HPSE2: variants seen among roughly 807,000 people sequenced by gnomAD.
HPSE2 encodes the protein inactive heparanase-2.
Under a neutral mutation model 60.5 loss-of-function variants are expected in HPSE2, and 38 were observed. That is an observed-to-expected ratio of 0.63 (90% CI 0.48 to 0.82). HPSE2 has a LOEUF of 0.82. HPSE2 is among the 40% of genes least tolerant of loss of function. HPSE2 has a pLI of 0.00. For missense variants in HPSE2, 713 were observed against 740.4 expected (o/e 0.96, Z 0.43); for synonymous variants, 295 against 293.2 (o/e 1.01, Z -0.06).
At chr10:99,218,287 T>C (rs1589834289) in intron 2 of HPSE2, among the ~76,000 whole-genome samples, 1 of 150,570 alleles carries the variant, frequency 6.6e-6, no homozygotes, top group African/African-American at 2.4e-5. Flanking sequence ...GAATGTCAGG[T>C]AAGGGGCAAG....
chr10:99,230,004 A>G (rs1186332948), intron 2 of HPSE2, among the ~76,000 whole-genome samples: 1 of 152,204 alleles, frequency 6.6e-6, no homozygotes, highest in Non-Finnish European at 1.5e-5. Flanking sequence ...TAATTTAAGG[A>G]TATGTGAGCT....
intron 3 of HPSE2, among the ~76,000 whole-genome samples, chr10:98,756,453 C>A (rs2134371785): frequency 6.6e-6 from 1 of 151,774 alleles, no homozygotes; most frequent in South Asian, 2.1e-4. Context: ...GAAAGAAGAT[C>A]CAAATAAACA....
At chr10:98,611,105 G>A (rs1945745733) in intron 9 of HPSE2, among the ~76,000 whole-genome samples, 1 of 152,206 alleles carries the variant, frequency 6.6e-6, no homozygotes, top group Non-Finnish European at 1.5e-5. Context: ...GGGGGCCAGG[G>A]GAAGGGAGTG....
the HPSE2 span, among the ~76,000 whole-genome samples, chr10:99,297,194 T>C: frequency 6.6e-6 from 1 of 151,884 alleles, no homozygotes; most frequent in African/African-American, 2.4e-5. Context: ...ACTGGTGGAG[T>C]GGCCATAATG....
intron 3 of HPSE2, among the ~76,000 whole-genome samples, chr10:98,965,290 A>G (rs1211679367): frequency 6.6e-6 from 1 of 152,198 alleles, no homozygotes; most frequent in East Asian, 1.9e-4. Flanking sequence ...TCAGGAAAGT[A>G]TAAAGGATAC....
In HPSE2 at chr10:98,495,424, T is replaced by C. The variant is rs555679010; in HGVS notation, c.1321-5228A>G. 1.9e-4 allele frequency among the ~76,000 whole-genome samples: 29 copies of C among 152,264 alleles called. No individual in the cohort carries two copies. The South Asian group carries it at 6.0e-3, about 32-fold the overall frequency. ...TGGATGTTTATGTGCATGTTCTTTATCAAATTTGAGACGTTTTCAGCCATT... is the reference window on the plus strand; with the variant it reads ...TGGATGTTTATGTGCATGTTCTTTACCAAATTTGAGACGTTTTCAGCCATT... On this transcript the variant is annotated intron_variant, in intron 9 of 11. Coordinates refer to ENST00000370552, the MANE Select transcript of HPSE2 (RefSeq NM_021828.5).
intron 3 of HPSE2, among the ~76,000 whole-genome samples, chr10:99,101,600 C>G (rs1843992874): frequency 6.6e-6 from 1 of 152,154 alleles, no homozygotes; most frequent in Non-Finnish European, 1.5e-5. Context: ...ACAAGGATAT[C>G]CAGGAATTGA....
chr10:98,866,389 G>A (rs1952588510), intron 3 of HPSE2, among the ~76,000 whole-genome samples: 1 of 151,936 alleles, frequency 6.6e-6, no homozygotes, highest in African/African-American at 2.4e-5. Flanking sequence ...ACTTCAAGTG[G>A]CCTAACATAG....
intron 3 of HPSE2, among the ~76,000 whole-genome samples, chr10:98,865,957 A>G (rs1342398371): frequency 6.6e-6 from 1 of 152,126 alleles, no homozygotes; most frequent in Non-Finnish European, 1.5e-5. Flanking sequence ...CATAGCTCAG[A>G]ACAATACAAA....
At chr10:99,211,192 GA>G (rs1848942824) in intron 2 of HPSE2, among the ~76,000 whole-genome samples, 1 of 151,712 alleles carries the variant, frequency 6.6e-6, no homozygotes, top group African/African-American at 2.4e-5. Flanking sequence ...AAAATACTTA[GA>G]AATATTTAAC....
chr10:99,023,957 A>C (rs1002328289), intron 3 of HPSE2, among the ~76,000 whole-genome samples: 1 of 152,232 alleles, frequency 6.6e-6, no homozygotes, highest in Non-Finnish European at 1.5e-5. Context: ...ATAAGCATCA[A>C]CACCACCCAG....
intron 3 of HPSE2, among the ~76,000 whole-genome samples, chr10:98,806,984 A>C (rs1951056903): frequency 6.6e-6 from 1 of 152,174 alleles, no homozygotes; most frequent in East Asian, 1.9e-4. Context: ...TCTACTAAAA[A>C]TACAAAAAAT....
intron 1 of HPSE2, among the ~76,000 whole-genome samples, chr10:99,235,078 C>G (rs3044650): frequency 3.3e-4 from 23 of 68,722 alleles, no homozygotes; most frequent in African/African-American, 6.7e-4. Flanking sequence ...AACACTCACA[C>G]ACACACACTC....
chr10:98,475,882 A>C (rs924437392), intron 11 of HPSE2, among the ~76,000 whole-genome samples: 7 of 152,158 alleles, frequency 4.6e-5, no homozygotes, highest in Admixed American at 6.5e-5. Flanking sequence ...GTGGGACTGT[A>C]AACTAGTTCA....
chr10:98,612,490 C>T (rs901007020), intron 9 of HPSE2, among the ~76,000 whole-genome samples: 1 of 152,182 alleles, frequency 6.6e-6, no homozygotes, highest in African/African-American at 2.4e-5. Flanking sequence ...TTTCTCAGTA[C>T]AGTTCACTAC....
chr10:98,573,563 A>G (rs1283988482), intron 9 of HPSE2, among the ~76,000 whole-genome samples: 1 of 152,158 alleles, frequency 6.6e-6, no homozygotes, highest in African/African-American at 2.4e-5. Context: ...ATGGGGTGAG[A>G]GCGTTTCCCG....
intron 5 of HPSE2, among the ~76,000 whole-genome samples, chr10:98,696,720 T>A (rs1948230607): frequency 6.6e-6 from 1 of 152,130 alleles, no homozygotes. Flanking sequence ...GTCTAAGCCT[T>A]TGAGCTCCTT....
intron 9 of HPSE2, among the ~76,000 whole-genome samples, chr10:98,514,004 GA>G (rs1942507368): frequency 6.6e-6 from 1 of 152,060 alleles, no homozygotes; most frequent in African/African-American, 2.4e-5. Flanking sequence ...AACAGCCCAA[GA>G]GTCCATCAAC....
chr10:99,302,704 G>A, the HPSE2 span, among the ~76,000 whole-genome samples: 3 of 151,960 alleles, frequency 2.0e-5, no homozygotes, highest in African/African-American at 7.3e-5. Flanking sequence ...CCTTTGGGAT[G>A]GGACTCCCTG....
Sources: allele counts gnomAD v4.1 joint callset (sites outside exome capture counted in the v4.1 genomes callset), GRCh38; gene constraint gnomAD v4.1.1; transcripts MANE v1.5; gene names NCBI Gene and HGNC (gene_info 2026-07-23, HGNC 2026-07-21).